The following MMP26 variants were observed in gnomAD, a reference collection of about 807,000 sequenced individuals.
The protein encoded by MMP26 is matrix metallopeptidase 26.
MMP26 carries 33 observed loss-of-function variants against 31.0 expected under a neutral mutation model. That is an observed-to-expected ratio of 1.06 (90% confidence interval 0.81 to 1.42). MMP26 has a LOEUF of 1.42. Among genes scored for constraint, MMP26 ranks in the 40% most tolerant of loss-of-function variants. MMP26 has a pLI of 0.00. For missense variants in MMP26, 347 were observed against 316.1 expected, an observed-to-expected ratio of 1.10 and a Z score of -0.74; for synonymous variants, 122 against 114.9, an observed-to-expected ratio of 1.06 and a Z score of -0.40.
intron 2 of MMP26, among the ~76,000 whole-genome samples, chr11:4,776,539 T>C (rs1848792899): frequency 6.6e-6 from 1 of 152,114 alleles, no homozygotes; most frequent in African/African-American, 2.4e-5. Context: ...TCTCTGATGA[T>C]TAGTGATATG....
chr11:4,991,548 C>G lies in MMP26; in HGVS notation c.595+52C>G, dbSNP rs147728042. 2.9e-4 allele frequency: 458 copies of G among 1,598,232 alleles called. 4 individuals are homozygous for G. The African/African-American group carries it at 5.5e-3, about 19-fold the overall frequency. On this transcript the variant is annotated intron_variant, in intron 6 of 7. Coordinates refer to ENST00000380390, the MANE Select transcript of MMP26 (RefSeq NM_021801.5). ...TAGAACTCTCTGGGAACCTGGGGTT[C>G]AGTGTTGATGGTTTCCATTTAGGGA...
At chr11:4,953,648 G>C (rs1449791755) in intron 2 of MMP26, among the ~76,000 whole-genome samples, 14 of 125,930 alleles carry the variant, frequency 1.1e-4, no homozygotes, top group African/African-American at 3.8e-4. Context: ...GAAGAAAAGA[G>C]CTCTGTAAAT....
In MMP26 at chr11:4,820,315, A is replaced by G. The variant is rs74872256; in HGVS notation, c.-145+52974A>G. 8.4e-3 allele frequency among the ~76,000 whole-genome samples: 1,275 copies of G among 152,302 alleles called. 21 individuals carry two copies. The highest frequency in any genetic ancestry group is 0.028 in the African/African-American group (1,158 of 41,564). On this transcript the variant is annotated intron_variant, in intron 2 of 7. Transcript: ENST00000380390. The stretch of plus-strand genomic sequence containing the variant: ...AGAAATTTATTTTCTTTGTTGAATA[A>G]TAATGATTGGATCATATTATGGATA...
At chr11:4,833,502 T>A (rs1407298374) in intron 2 of MMP26, among the ~76,000 whole-genome samples, 3 of 152,214 alleles carry the variant, frequency 2.0e-5, no homozygotes, top group Non-Finnish European at 4.4e-5. Flanking sequence ...AAACTCTTTA[T>A]AAAGTGTCTG....
chr11:4,811,490 T>G (rs1383098564), intron 2 of MMP26, among the ~76,000 whole-genome samples: 4 of 152,200 alleles, frequency 2.6e-5, no homozygotes, highest in Admixed American at 6.5e-5. Context: ...GTTAATTTGC[T>G]TAGGATAATG....
chr11:4,835,079 A>C (rs1849698589), intron 2 of MMP26, among the ~76,000 whole-genome samples: 1 of 152,038 alleles, frequency 6.6e-6, no homozygotes, highest in South Asian at 2.1e-4. Context: ...TCACAGTGTG[A>C]ATATGTACTT....
intron 2 of MMP26, among the ~76,000 whole-genome samples, chr11:4,891,059 A>C (rs1850614248): frequency 6.6e-6 from 1 of 150,988 alleles, no homozygotes; most frequent in African/African-American, 2.4e-5. Context: ...CAGGAAGTGG[A>C]TACTAGTTTT....
At chr11:4,964,482 T>C (rs1432560054) in intron 2 of MMP26, among the ~76,000 whole-genome samples, 1 of 152,120 alleles carries the variant, frequency 6.6e-6, no homozygotes. Flanking sequence ...TGTCTGTTCT[T>C]GTACCAGTAT....
intron 1 of MMP26, among the ~76,000 whole-genome samples, chr11:4,706,010 C>T (rs12286984): frequency 0.27 from 40,329 of 150,914 alleles, 6,234 homozygotes; most frequent in Non-Finnish European, 0.34. Flanking sequence ...TGTTCTTGGA[C>T]CCATGTTTGC....
intron 2 of MMP26, chr11:4,803,974 G>C: frequency 6.2e-7 from 1 of 1,613,706 alleles, no homozygotes; most frequent in Non-Finnish European, 8.5e-7. Flanking sequence ...CAGGATGCTA[G>C]AGTGTCGGAG....
chr11:4,803,825 C>A (rs1451559480), intron 2 of MMP26: 2 of 1,612,996 alleles, frequency 1.2e-6, no homozygotes, highest in Non-Finnish European at 1.7e-6. Context: ...TTCAGCACAG[C>A]CATGTGCTCA....
chr11:4,832,855 G>A, intron 2 of MMP26: 1 of 190,640 alleles, frequency 5.2e-6, no homozygotes, highest in East Asian at 1.2e-4. Context: ...CTTGACACCT[G>A]TGTGTCTCAT....
At chr11:4,925,268 T>C (rs1286337387) in intron 2 of MMP26, among the ~76,000 whole-genome samples, 1 of 152,192 alleles carries the variant, frequency 6.6e-6, no homozygotes, top group Non-Finnish European at 1.5e-5. Flanking sequence ...TCTATGTTAT[T>C]GGACATTAAA....
intron 2 of MMP26, chr11:4,924,438 C>T: frequency 7.8e-7 from 1 of 1,275,292 alleles, no homozygotes. Context: ...CCAAGATCAG[C>T]CAGTAAGGAA....
chr11:4,712,249 C>T (rs902375246), intron 1 of MMP26: 8 of 152,154 alleles, frequency 5.3e-5, no homozygotes, highest in African/African-American at 1.9e-4. Flanking sequence ...AAGGCACAGC[C>T]TTCATTCTTA....
chr11:4,855,829 C>T (rs1850043130), intron 2 of MMP26, among the ~76,000 whole-genome samples: 1 of 152,114 alleles, frequency 6.6e-6, no homozygotes, highest in African/African-American at 2.4e-5. Context: ...AGAGAAAGGT[C>T]GCGTTACCCA....
rs187678962 is a variant in MMP26, at chr11:4,985,567, G to A, written c.-144-2501G>A. On this transcript the variant is annotated intron_variant, in intron 2 of 7. Transcript: ENST00000380390. ...GAACATTAACTGGGATATAGCACTC[G>A]CATTACAATATCATCCACAAAATGA... Among the ~76,000 whole-genome samples, 20 of 152,096 alleles carry A rather than the reference G, an allele frequency of 1.3e-4. No homozygotes were observed. In the East Asian group the frequency reaches 2.5e-3, roughly 19 times the overall value.
At chr11:4,964,063 C>G (rs1409812689) in intron 2 of MMP26, among the ~76,000 whole-genome samples, 1 of 152,012 alleles carries the variant, frequency 6.6e-6, no homozygotes, top group African/African-American at 2.4e-5. Flanking sequence ...TGTAGGTTGT[C>G]TCTTTACTCT....
At chr11:4,868,175 A>G (rs186047555) in intron 2 of MMP26, among the ~76,000 whole-genome samples, 67 of 152,262 alleles carry the variant, frequency 4.4e-4, no homozygotes, top group African/African-American at 1.5e-3. Context: ...GTTCTTACCT[A>G]TAAGTGGGAG....
Sources: allele counts gnomAD v4.1 joint callset (sites outside exome capture counted in the v4.1 genomes callset), GRCh38; gene constraint gnomAD v4.1.1; transcripts MANE v1.5; gene names NCBI Gene and HGNC (gene_info 2026-07-23, HGNC 2026-07-21).